DAB1: variants seen among roughly 807,000 people sequenced by gnomAD.
DAB1 encodes the protein disabled homolog 1.
Under a neutral mutation model 64.6 loss-of-function variants are expected in DAB1, and 15 were observed. That is an observed-to-expected ratio of 0.23 (90% CI 0.16 to 0.36). The LOEUF (loss-of-function observed/expected upper bound fraction) is 0.36, where lower values mean the gene tolerates loss of function less well. Ranked by LOEUF, DAB1 falls within the 10% of genes least tolerant of loss-of-function variation. The probability of loss-of-function intolerance (pLI) is 1.00; values close to 1 mark genes in which losing one functional copy is unlikely to be tolerated. For missense variants in DAB1, 596 were observed against 706.7 expected (o/e 0.84, Z 1.78); for synonymous variants, 235 against 251.9 (o/e 0.93, Z 0.64).
At chr1:58,245,441 T>C (rs2100389328) in intron 4 of DAB1, among the ~76,000 whole-genome samples, 1 of 152,266 alleles carries the variant, frequency 6.6e-6, no homozygotes, top group African/African-American at 2.4e-5. Flanking sequence ...GGACACCTAA[T>C]TGGAAGGGCA....
intron 7 of DAB1, among the ~76,000 whole-genome samples, chr1:57,570,119 C>T (rs373486460): frequency 2.1e-3 from 314 of 152,132 alleles, no homozygotes; most frequent in African/African-American, 6.4e-3. Context: ...TTGAGTCAGT[C>T]GGCCGGGAAA....
At chr1:57,390,928 A>G (rs1186352597) in intron 1 of DAB1, among the ~76,000 whole-genome samples, 2 of 152,234 alleles carry the variant, frequency 1.3e-5, no homozygotes, top group African/African-American at 4.8e-5. Flanking sequence ...TACGACAAGC[A>G]TTCCATTGCT....
intron 5 of DAB1, among the ~76,000 whole-genome samples, chr1:57,960,651 T>A (rs1645497963): frequency 6.6e-6 from 1 of 152,216 alleles, no homozygotes; most frequent in South Asian, 2.1e-4. Context: ...TGGCTGTAAG[T>A]GCTAGATTTC....
rs556894011 is a variant in DAB1 at position 57,267,275 on chromosome 1, G to A, written c.67+23689C>T. 3.7e-4 allele frequency among the ~76,000 whole-genome samples: 56 copies of A among 152,006 alleles called. 1 individual carries two copies. The Middle Eastern group carries it at 0.01, about 28-fold the overall frequency. On this transcript the variant is annotated intron_variant, in intron 2 of 14. Transcript: ENST00000371236. ...AGCAAAGAGCTTCCACAGGGAGTGA[G>A]TGCAACCCTGCCCACACTGTGATGT...
chr1:57,464,987 A>C (rs1686908236), intron 7 of DAB1, among the ~76,000 whole-genome samples: 1 of 152,126 alleles, frequency 6.6e-6, no homozygotes, highest in African/African-American at 2.4e-5. Flanking sequence ...CAGTCTGGCA[A>C]CGTTACAAAG....
At chr1:57,586,443 C>G (rs1231677566) in intron 7 of DAB1, among the ~76,000 whole-genome samples, 1 of 149,262 alleles carries the variant, frequency 6.7e-6, no homozygotes, top group Non-Finnish European at 1.5e-5. Context: ...TGTCTTTTCT[C>G]TTTTCTTTTC....
chr1:58,415,473 A>T (rs1409400547), intron 3 of DAB1: 1 of 244,066 alleles, frequency 4.1e-6, no homozygotes. Context: ...GCCCTTGGGG[A>T]TACATGCATA....
intron 9 of DAB1, among the ~76,000 whole-genome samples, chr1:57,057,755 C>T (rs900901824): frequency 3.4e-5 from 5 of 147,354 alleles, no homozygotes; most frequent in Non-Finnish European, 7.5e-5. Flanking sequence ...CTACAGGTGC[C>T]TGCCACCATG....
At chr1:58,068,725 C>T (rs1341764879) in intron 5 of DAB1, among the ~76,000 whole-genome samples, 1 of 146,204 alleles carries the variant, frequency 6.8e-6, no homozygotes, top group East Asian at 2.0e-4. Context: ...GAGATTGCAC[C>T]ACTGCACTCC....
chr1:57,466,964 T>A (rs1686972648), intron 7 of DAB1, among the ~76,000 whole-genome samples: 1 of 152,214 alleles, frequency 6.6e-6, no homozygotes, highest in Non-Finnish European at 1.5e-5. Context: ...TGTGATTAGA[T>A]GAGACCCACC....
chr1:57,746,502 T>G (rs1026780331), intron 6 of DAB1, among the ~76,000 whole-genome samples: 1 of 152,178 alleles, frequency 6.6e-6, no homozygotes, highest in African/African-American at 2.4e-5. Flanking sequence ...ATTTCCCTTA[T>G]GTGAATTGCC....
intron 7 of DAB1, among the ~76,000 whole-genome samples, chr1:57,467,063 G>A (rs1461787277): frequency 6.6e-6 from 1 of 152,156 alleles, no homozygotes; most frequent in African/African-American, 2.4e-5. Context: ...GCACAAAGGG[G>A]AGGAAATTAT....
intron 4 of DAB1, among the ~76,000 whole-genome samples, chr1:58,292,902 G>A (rs945904129): frequency 3.3e-5 from 5 of 152,272 alleles, no homozygotes; most frequent in Middle Eastern, 3.4e-3. Flanking sequence ...ATGTAAAAAT[G>A]AGCAAGTTGA....
intron 3 of DAB1, among the ~76,000 whole-genome samples, chr1:58,357,373 G>A (rs899797265): frequency 6.6e-6 from 1 of 152,106 alleles, no homozygotes; most frequent in African/African-American, 2.4e-5. Flanking sequence ...TTTGGCTTAA[G>A]GAACATGGTG....
At chr1:57,913,199 C>T (rs2102011497) in intron 5 of DAB1, among the ~76,000 whole-genome samples, 1 of 152,172 alleles carries the variant, frequency 6.6e-6, no homozygotes, top group African/African-American at 2.4e-5. Flanking sequence ...AACTATACTA[C>T]AAGGCTACTG....
At chr1:57,028,314 C>T (rs2100408222) in intron 9 of DAB1, among the ~76,000 whole-genome samples, 1 of 152,284 alleles carries the variant, frequency 6.6e-6, no homozygotes, top group East Asian at 1.9e-4. Flanking sequence ...TAAGATGTGC[C>T]TTTTGCCTTC....
chr1:58,063,270 C>T (rs932424746), intron 5 of DAB1, among the ~76,000 whole-genome samples: 5 of 151,954 alleles, frequency 3.3e-5, no homozygotes, highest in African/African-American at 1.2e-4. Flanking sequence ...CCTTGGGGTA[C>T]AATAACTGAA....
At chr1:58,124,747 T>C (rs897580893) in intron 5 of DAB1, among the ~76,000 whole-genome samples, 1 of 152,218 alleles carries the variant, frequency 6.6e-6, no homozygotes, top group Non-Finnish European at 1.5e-5. Context: ...GGCCAGTGTC[T>C]TTGCATTTCT....
In DAB1 at chr1:57,290,963, CCTTT is replaced by C; in HGVS notation, c.64_67del (p.Lys22ValfsTer9). 1 of 1,609,986 alleles carries C rather than the reference CCTTT, an allele frequency of 6.2e-7. No homozygotes were observed. Among genetic ancestry groups the C allele is most frequent in the Non-Finnish European group, 8.5e-7 (1 of 1,177,682 alleles). On this transcript the variant is annotated frameshift_variant and splice_region_variant, in exon 2 of 15. Transcript: ENST00000371236. LOFTEE classifies it high-confidence loss of function. ...TAAAAAAAGGTCAAATTCAGCCCTA[CCTTT>C]CTTTCTGGAGTCTTTCTTGGCGCTG...
Sources: gnomAD v4.1 joint callset for allele counts (sites outside exome capture counted in the v4.1 genomes callset) on GRCh38, gnomAD v4.1.1 for gene constraint, MANE v1.5 for transcripts, NCBI Gene and HGNC (gene_info 2026-07-23, HGNC 2026-07-21) for gene names.